The following COPS3 variants were observed in gnomAD, a reference collection of about 807,000 sequenced individuals.
COPS3 encodes COP9 signalosome subunit 3.
COPS3 carries 10 observed loss-of-function variants against 58.2 expected under a neutral mutation model. The observed-to-expected ratio is 0.17, with a 90% CI of 0.11 to 0.29. The LOEUF is 0.29. Among genes scored for constraint, COPS3 ranks in the 10% least tolerant of loss-of-function variants. The pLI is 1.00. For synonymous variants in COPS3, 187 were observed against 181.7 expected, an observed-to-expected ratio of 1.03 and a Z score of -0.24; for missense variants, 333 against 510.1, an observed-to-expected ratio of 0.65 and a Z score of 3.34.
At chr17:17,261,397 A>G (rs1308830727) in intron 7 of COPS3, among the ~76,000 whole-genome samples, 1 of 152,064 alleles carries the variant, frequency 6.6e-6, no homozygotes, top group East Asian at 1.9e-4. Context: ...ATGGTGGCAC[A>G]CACCTGTAGT....
At chr17:17,277,045 C>G (rs1046203644) in intron 1 of COPS3, among the ~76,000 whole-genome samples, 3 of 152,210 alleles carry the variant, frequency 2.0e-5, no homozygotes, top group African/African-American at 7.2e-5. Context: ...CACACACCTA[C>G]TCTTCGATCA....
chr17:17,255,878 A>ATAAATAACTAAC (rs929027222), intron 8 of COPS3, among the ~76,000 whole-genome samples: 8 of 140,230 alleles, frequency 5.7e-5, no homozygotes, highest in African/African-American at 2.1e-4. Context: ...AAATAAATAA[A>ATAAATAACTAAC]TAACTGATAG....
chr17:17,281,194 C>T lies in COPS3; in HGVS notation c.-8G>A. ...CTCCAGGGCAGACGCCATGTTTTCC[C>T]CCGGGCGGCCCGAGCGGCGAAGGCA... On this transcript the variant is annotated 5_prime_UTR_variant, in exon 1 of 12. Coordinates refer to ENST00000268717, the MANE Select transcript of COPS3 (RefSeq NM_003653.4). 6.2e-7 allele frequency: 1 copy of T among 1,608,822 alleles called. No individual in the cohort carries two copies. The highest frequency in any genetic ancestry group is 1.7e-5 in the Admixed American group (1 of 59,338).
Position 17,246,951 on chromosome 17 carries a change from A to G in COPS3, c.*147T>C. Reference sequence around the variant, plus strand: ...TCTTTGCAGAGAAAATGGTTTTCTGAAAGCACACAGGACTGAAGATGTCAA... The same window carrying G: ...TCTTTGCAGAGAAAATGGTTTTCTGGAAGCACACAGGACTGAAGATGTCAA... On this transcript the variant is annotated 3_prime_UTR_variant, in exon 12 of 12. Coordinates refer to ENST00000268717, the MANE Select transcript of COPS3 (RefSeq NM_003653.4). The G allele has an allele frequency of 1.5e-6, 1 of 684,764 alleles. No homozygotes were observed. Among genetic ancestry groups the G allele is most frequent in the Non-Finnish European group, 2.6e-6 (1 of 382,462 alleles). 42.4% of individuals were successfully genotyped at this position (684,764 alleles called of 1,614,324 possible).
At chr17:17,279,713 A>C (rs1035195233) in intron 1 of COPS3, among the ~76,000 whole-genome samples, 1 of 152,166 alleles carries the variant, frequency 6.6e-6, no homozygotes, top group East Asian at 1.9e-4. Context: ...ATTTGCAGCT[A>C]TATTTATTGC....
intron 8 of COPS3, 90 bp downstream of exon 8, chr17:17,260,211 C>A: frequency 5.5e-6 from 7 of 1,278,532 alleles, no homozygotes; most frequent in South Asian, 1.4e-5. Flanking sequence ...TATCCCTGTA[C>A]CTGCTTCCTC....
rs780073422 is a variant in COPS3 at position 17,264,887 on chromosome 17, T to C, written c.536A>G (p.Lys179Arg). The C allele has an allele frequency of 6.2e-7, 1 of 1,613,906 alleles. No individual in the cohort carries two copies. The highest frequency in any genetic ancestry group is 8.5e-7 in the Non-Finnish European group (1 of 1,179,812). The change falls in exon 6 of 12, where the codon AAA (lysine) becomes AGA (arginine). Residue 179 changes from lysine (K) to arginine (R), a missense_variant. By Grantham distance (26) the Lys-to-Arg change is conservative. Transcript: ENST00000268717. ...ICKENGAYDA[K>R]HFLCYYYYGG... Reference sequence around the variant, plus strand: ...ATAATAATAGTAACATAAAAAGTGTTTTGCATCATAGGCTCCATTCTCTTT... The same window carrying C: ...ATAATAATAGTAACATAAAAAGTGTCTTGCATCATAGGCTCCATTCTCTTT...
Position 17,246,926 on chromosome 17 carries a change from T to G in COPS3, c.*172A>C. ...TTAAAGTTTGCAAATCTGTTTCCTT[T>G]CTTTGCAGAGAAAATGGTTTTCTGA... On this transcript the variant is annotated 3_prime_UTR_variant, in exon 12 of 12. Coordinates refer to ENST00000268717, the MANE Select transcript of COPS3 (RefSeq NM_003653.4). The G allele has an allele frequency of 1.6e-6, 1 of 617,072 alleles. No homozygotes were observed. Among genetic ancestry groups the G allele is most frequent in the Non-Finnish European group, 2.9e-6 (1 of 340,158 alleles). The allele number at this position is 617,072 out of a possible 1,614,324, so 38.2% of individuals were successfully genotyped here.
At chr17:17,275,549 G>C (rs1362878289) in intron 2 of COPS3, among the ~76,000 whole-genome samples, 1 of 152,140 alleles carries the variant, frequency 6.6e-6, no homozygotes, top group Non-Finnish European at 1.5e-5. Context: ...TTATTAGCTG[G>C]AATCAATAAA....
At chr17:17,274,192 A>AG (rs2048410823) in intron 2 of COPS3, among the ~76,000 whole-genome samples, 1 of 152,172 alleles carries the variant, frequency 6.6e-6, no homozygotes, top group African/African-American at 2.4e-5. Context: ...TTTTGAATCT[A>AG]CATATTCTTC....
intron 6 of COPS3, among the ~76,000 whole-genome samples, chr17:17,263,088 A>C (rs187941371): frequency 6.6e-6 from 1 of 151,866 alleles, no homozygotes; most frequent in Non-Finnish European, 1.5e-5. Context: ...GGAGATCAAG[A>C]CCATCCTGGC....
intron 1 of COPS3, chr17:17,280,840 C>T (rs2048566918): frequency 2.4e-6 from 3 of 1,234,978 alleles, no homozygotes; most frequent in Non-Finnish European, 3.2e-6. Flanking sequence ...GAAGTCACGC[C>T]CCCAAACTGT....
chr17:17,268,786 T>C (rs796742896), intron 4 of COPS3, among the ~76,000 whole-genome samples: 140 of 151,412 alleles, frequency 9.2e-4, no homozygotes, highest in African/African-American at 3.4e-3. Flanking sequence ...GCCACTGCAC[T>C]CCAGCCTGGG....
chr17:17,260,181 A>T (rs2048061610), intron 8 of COPS3, 120 bp downstream of exon 8: 1 of 980,978 alleles, frequency 1.0e-6, no homozygotes, highest in Admixed American at 2.3e-5. Flanking sequence ...CTCTCTCAGC[A>T]CAGAAATCCT....
chr17:17,269,973 T>C (rs1280804363), intron 4 of COPS3, among the ~76,000 whole-genome samples: 11 of 152,206 alleles, frequency 7.2e-5, no homozygotes, highest in Middle Eastern at 3.4e-3. Context: ...CCTGGCAACA[T>C]GGTGAAACCC....
intron 1 of COPS3, chr17:17,280,784 A>C: frequency 3.2e-6 from 4 of 1,250,740 alleles, no homozygotes; most frequent in Non-Finnish European, 2.1e-6. Context: ...CACCGAAGGC[A>C]AGAGAGACAG....
chr17:17,279,517 A>G (rs2048531101), intron 1 of COPS3, among the ~76,000 whole-genome samples: 1 of 152,184 alleles, frequency 6.6e-6, no homozygotes, highest in Non-Finnish European at 1.5e-5. Context: ...ATTTCTATTA[A>G]TAAAAAGGAA....
At chr17:17,268,440 A>T (rs1280706042) in intron 4 of COPS3, among the ~76,000 whole-genome samples, 2 of 152,202 alleles carry the variant, frequency 1.3e-5, no homozygotes, top group Non-Finnish European at 2.9e-5. Flanking sequence ...CATAGATTTC[A>T]AAAGGACTGT....
At chr17:17,270,119 T>C (rs1190559322) in intron 4 of COPS3, among the ~76,000 whole-genome samples, 2 of 151,596 alleles carry the variant, frequency 1.3e-5, no homozygotes, top group Non-Finnish European at 2.9e-5. Flanking sequence ...ATGGCGCCAC[T>C]GCACTCCAGC....
Sources: gnomAD v4.1 joint callset for allele counts (sites outside exome capture counted in the v4.1 genomes callset) on GRCh38, gnomAD v4.1.1 for gene constraint, MANE v1.5 for transcripts, NCBI Gene and HGNC (gene_info 2026-07-23, HGNC 2026-07-21) for gene names.